The following EFCAB9 variants were observed in gnomAD, a reference collection of about 807,000 sequenced individuals.
EFCAB9 encodes EF-hand calcium-binding domain-containing protein 9.
In EFCAB9, 16 loss-of-function variants were observed where a neutral mutation model predicts 15.6. That is an observed-to-expected ratio of 1.03 (90% CI 0.69 to 1.56). The LOEUF (loss-of-function observed/expected upper bound fraction) is 1.56. Among genes scored for constraint, EFCAB9 ranks in the 40% most tolerant of loss-of-function variants. The probability of loss-of-function intolerance (pLI) is 0.00; values close to 1 mark genes in which losing one functional copy is unlikely to be tolerated. For synonymous variants in EFCAB9, 76 were observed against 85.4 expected (o/e 0.89, Z 0.61); for missense variants, 208 against 235.4 (o/e 0.88, Z 0.76).
At chr5:172,194,332 C>T (rs903684365) in intron 1 of EFCAB9, 24 bp downstream of exon 1, 2 of 1,536,440 alleles carry the variant, frequency 1.3e-6, no homozygotes, top group African/African-American at 1.4e-5. Context: ...GACATGTCTC[C>T]TCTGGGTCCT....
At chr5:172,199,357 A>G (rs1198166509) in intron 1 of EFCAB9, 26 bp from the exon 2 acceptor site, 1 of 1,535,764 alleles carries the variant, frequency 6.5e-7, no homozygotes, top group Non-Finnish European at 8.7e-7. Context: ...CAAATAACAC[A>G]TCTCCTCACC....
intron 1 of EFCAB9, among the ~76,000 whole-genome samples, chr5:172,198,772 C>T (rs1013248311): frequency 9.2e-5 from 14 of 152,102 alleles, no homozygotes; most frequent in East Asian, 3.9e-4. Context: ...TGTGCCACCA[C>T]GCCTGGCTAA....
Position 172,203,353 on chromosome 5 carries a change from C to T in EFCAB9, c.*8C>T. The T allele has an allele frequency of 6.6e-7, 1 of 1,524,660 alleles. No homozygotes were observed. The highest frequency in any genetic ancestry group is 1.4e-5 in the African/African-American group (1 of 71,868). The allele number at this position is 1,524,660 out of a possible 1,614,324, so 94.4% of individuals were successfully genotyped here. A position where few individuals can be genotyped will look rare whatever the true frequency, so the allele number is the denominator to read the frequency against. On this transcript the variant is annotated 3_prime_UTR_variant, in exon 4 of 4. Transcript: ENST00000398186. ...AAATGTCACATCAAGTAGATACAAG[C>T]TGAAAGAGTCTTGGAAAAAAATGGG...
chr5:172,199,070 G>A (rs924770786), intron 1 of EFCAB9, among the ~76,000 whole-genome samples: 14 of 152,110 alleles, frequency 9.2e-5, no homozygotes, highest in Admixed American at 2.0e-4. Context: ...ATATGTTAGC[G>A]CCTTGCCTTT....
At chr5:172,197,769 A>T (rs997434020) in intron 1 of EFCAB9, among the ~76,000 whole-genome samples, 4 of 152,258 alleles carry the variant, frequency 2.6e-5, no homozygotes, top group African/African-American at 9.6e-5. Flanking sequence ...GTGAAGAGTA[A>T]AAGAACAAAG....
intron 1 of EFCAB9, among the ~76,000 whole-genome samples, chr5:172,198,716 A>C (rs1313731656): frequency 6.6e-6 from 1 of 152,148 alleles, no homozygotes; most frequent in Non-Finnish European, 1.5e-5. Context: ...TCCCGGGTTC[A>C]AGCAATTCTC....
chr5:172,198,988 A>G (rs761988807), intron 1 of EFCAB9, among the ~76,000 whole-genome samples: 2 of 152,220 alleles, frequency 1.3e-5, no homozygotes, highest in Admixed American at 6.5e-5. Flanking sequence ...AGCATCTCCA[A>G]GAAAGTGTTC....
intron 2 of EFCAB9, among the ~76,000 whole-genome samples, chr5:172,200,034 T>C (rs1771231009): frequency 6.6e-6 from 1 of 150,718 alleles, no homozygotes; most frequent in African/African-American, 2.4e-5. Context: ...CCATCTGGGT[T>C]CAATAGATCA....
chr5:172,200,497 TGAG>T (rs1771238618), intron 2 of EFCAB9, 66 bp from the exon 3 acceptor site: 1 of 1,449,128 alleles, frequency 6.9e-7, no homozygotes, highest in African/African-American at 1.4e-5. Flanking sequence ...AGATATGTCT[TGAG>T]GAAACAAGTT....
intron 3 of EFCAB9, among the ~76,000 whole-genome samples, chr5:172,202,331 T>TAA (rs1771267713): frequency 5.5e-5 from 1 of 18,126 alleles, no homozygotes; most frequent in Non-Finnish European, 8.3e-5. Context: ...AGACTTCATC[T>TAA]CAAAAAAAAA....
chr5:172,203,443 C>G lies in EFCAB9; in HGVS notation c.*98C>G. 6 of 1,371,610 alleles carry G rather than the reference C, an allele frequency of 4.4e-6. No individual in the cohort carries two copies. The highest frequency in any genetic ancestry group is 4.8e-4 in the Middle Eastern group (2 of 4,170). 85.0% of individuals were successfully genotyped at this position (1,371,610 alleles called of 1,614,324 possible). A position where few individuals can be genotyped will look rare whatever the true frequency, so the allele number is the denominator to read the frequency against. ...AACATGTCTAAAAATAAATTCAGAGCATCAAAGTAGATATCTTTATAATGA... is the reference window on the plus strand; with the variant it reads ...AACATGTCTAAAAATAAATTCAGAGGATCAAAGTAGATATCTTTATAATGA... On this transcript the variant is annotated 3_prime_UTR_variant, in exon 4 of 4. Coordinates refer to ENST00000398186, the MANE Select transcript of EFCAB9 (RefSeq NM_001171183.2).
chr5:172,196,202 T>C (rs914068589), intron 1 of EFCAB9, among the ~76,000 whole-genome samples: 3 of 152,122 alleles, frequency 2.0e-5, no homozygotes, highest in African/African-American at 7.2e-5. Flanking sequence ...CAAACATCAC[T>C]GTGCATATAT....
intron 3 of EFCAB9, among the ~76,000 whole-genome samples, chr5:172,202,275 A>C (rs1003640395): frequency 7.5e-6 from 1 of 132,586 alleles, no homozygotes; most frequent in Admixed American, 8.6e-5. Flanking sequence ...TAGGAGGCGG[A>C]GCTTGCAGTG....
chr5:172,202,234 G>A (rs747059914), intron 3 of EFCAB9, among the ~76,000 whole-genome samples: 4 of 150,534 alleles, frequency 2.7e-5, no homozygotes, highest in Non-Finnish European at 5.9e-5. Context: ...CCAGCTACTC[G>A]GGAGGCTAAG....
chr5:172,199,961 G>A (rs1771229836), intron 2 of EFCAB9, among the ~76,000 whole-genome samples: 2 of 111,954 alleles, frequency 1.8e-5, no homozygotes, highest in Non-Finnish European at 3.4e-5. Flanking sequence ...TTTTGAGACT[G>A]AGTCTCAATC....
chr5:172,200,217 G>A (rs189164328), intron 2 of EFCAB9, among the ~76,000 whole-genome samples: 20 of 152,160 alleles, frequency 1.3e-4, no homozygotes, highest in Non-Finnish European at 2.1e-4. Flanking sequence ...ACCACACCCC[G>A]CCTCAGTTCC....
At chr5:172,200,847 A>G in intron 3 of EFCAB9, 105 bp downstream of exon 3, 1 of 1,152,866 alleles carries the variant, frequency 8.7e-7, no homozygotes, top group Non-Finnish European at 1.2e-6. Flanking sequence ...GGAGGGAGGG[A>G]AAAACCTACT....
rs1771240325 is a variant in EFCAB9, at chr5:172,200,583, G to C, written c.303G>C (p.Gln101His). 1 of 1,536,920 alleles carries C rather than the reference G, an allele frequency of 6.5e-7. No individual in the cohort carries two copies. Among genetic ancestry groups the C allele is most frequent in the Non-Finnish European group, 8.7e-7 (1 of 1,146,810 alleles). ...LLAHQNHLEGQFMYRHSRPVF... is the reference protein window; with the variant it reads ...LLAHQNHLEGHFMYRHSRPVF... ...CGCAATAGAACCATTTGGAAGGACA[G>C]TTTATGTATCGTCATTCCCGGCCTG... The change falls in exon 3 of 4, where the codon CAG (glutamine) becomes CAC (histidine). Residue 101 changes from glutamine (Q) to histidine (H), a missense_variant. Physicochemically the swap from Gln to His is conservative, Grantham distance 24. Coordinates refer to ENST00000398186, the MANE Select transcript of EFCAB9 (RefSeq NM_001171183.2).
chr5:172,200,548 C>T lies in EFCAB9; in HGVS notation c.286-18C>T, dbSNP rs759658658. On this transcript the variant is annotated intron_variant, in intron 2 of 3. Transcript: ENST00000398186. Reference sequence around the variant, plus strand: ...TCGACAACACTGTTGCTCATCTCACCTATTTCTCTCGCAATAGAACCATTT... The same window carrying T: ...TCGACAACACTGTTGCTCATCTCACTTATTTCTCTCGCAATAGAACCATTT... 1.6e-5 allele frequency: 24 copies of T among 1,529,916 alleles called. No homozygotes were observed. The highest frequency in any genetic ancestry group is 2.0e-5 in the Admixed American group (1 of 49,790). 94.8% of individuals were successfully genotyped at this position (1,529,916 alleles called of 1,614,324 possible). A position where few individuals can be genotyped will look rare whatever the true frequency, so the allele number is the denominator to read the frequency against.
Sources: allele counts gnomAD v4.1 joint callset (sites outside exome capture counted in the v4.1 genomes callset), GRCh38; gene constraint gnomAD v4.1.1; transcripts MANE v1.5; gene names NCBI Gene and HGNC (gene_info 2026-07-23, HGNC 2026-07-21).